ADRM1: variants seen among roughly 807,000 people sequenced by gnomAD.
ADRM1 encodes ADRM1 26S proteasome ubiquitin receptor, also known as proteasomal ubiquitin receptor ADRM1.
A neutral mutation model predicts 40.1 loss-of-function variants in ADRM1; 2 were observed. That is an observed-to-expected ratio of 0.05 (90% CI 0.02 to 0.16). The LOEUF (loss-of-function observed/expected upper bound fraction) is 0.16, where lower values mean the gene tolerates loss of function less well. ADRM1 is among the 10% of genes least tolerant of loss of function. The pLI is 1.00. For missense variants in ADRM1, 467 were observed against 552.5 expected, an observed-to-expected ratio of 0.85 and a Z score of 1.55; for synonymous variants, 287 against 240.4, an observed-to-expected ratio of 1.19 and a Z score of -1.79.
At position 62,307,894 on chromosome 20, in the gene ADRM1, C is replaced by T. The variant is rs1299231461; in HGVS notation, c.856+66C>T. On this transcript the variant is annotated intron_variant, in intron 7 of 9. Coordinates refer to ENST00000253003, the MANE Select transcript of ADRM1 (RefSeq NM_007002.4). ...GGCCTGCTGACCCTCGCACGCTCAC[C>T]TTCCAAGGCATCTGCCTAGTGTGCG... The T allele has an allele frequency of 4.5e-6, 7 of 1,553,812 alleles. No individual in the cohort carries two copies. The East Asian group carries it at 1.7e-4, about 37-fold the overall frequency.
intron 8 of ADRM1, 38 bp from the exon 9 acceptor site, chr20:62,308,330 C>CGGGTTGGA (rs1403617796): frequency 1.3e-6 from 2 of 1,564,532 alleles, no homozygotes; most frequent in African/African-American, 2.7e-5. Context: ...GGGTGCAGCC[C>CGGGTTGGA]GGGTTGGAGC....
chr20:62,303,971 C>G (rs554918464), intron 2 of ADRM1, among the ~76,000 whole-genome samples, 190 bp downstream of exon 2: 4 of 152,116 alleles, frequency 2.6e-5, no homozygotes, highest in Non-Finnish European at 5.9e-5. Context: ...GTATCTTGAA[C>G]TGTCCGTGTG....
At chr20:62,304,631 G>GTGC in intron 3 of ADRM1, 54 bp downstream of exon 3, 1 of 1,556,692 alleles carries the variant, frequency 6.4e-7, no homozygotes, top group South Asian at 1.1e-5. Context: ...ATTCGGTTAG[G>GTGC]AACTTGCTTA....
intron 2 of ADRM1, chr20:62,304,156 C>T (rs1430034294): frequency 8.4e-6 from 4 of 478,744 alleles, no homozygotes; most frequent in Admixed American, 7.0e-5. Context: ...TTCTTTGTTA[C>T]ATTTGAGAGC....
At position 62,308,016 on chromosome 20, in the gene ADRM1, C is replaced by T. The variant is rs956194678; in HGVS notation, c.857-5C>T. Reference sequence around the variant, plus strand: ...CGAGCTGATGGCCGTGTTCTTGTGCCCCAGTGGACCTGGCCAGTGTGCTGA... The same window carrying T: ...CGAGCTGATGGCCGTGTTCTTGTGCTCCAGTGGACCTGGCCAGTGTGCTGA... On this transcript the variant is annotated splice_polypyrimidine_tract_variant and splice_region_variant and intron_variant, in intron 7 of 9. Coordinates refer to ENST00000253003, the MANE Select transcript of ADRM1 (RefSeq NM_007002.4). 12 of 1,605,920 alleles carry T rather than the reference C, an allele frequency of 7.5e-6. No individual in the cohort carries two copies. The highest frequency in any genetic ancestry group is 6.7e-5 in the African/African-American group (5 of 74,846).
intron 6 of ADRM1, 26 bp downstream of exon 6, chr20:62,307,478 A>G: frequency 6.2e-7 from 1 of 1,605,866 alleles, no homozygotes; most frequent in Non-Finnish European, 8.5e-7. Context: ...CCTGCCACGC[A>G]GGTGCCACGG....
rs201545655 is a variant in ADRM1 at position 62,308,482 on chromosome 20, C to T, written c.1117+12C>T. 2.2e-4 allele frequency: 351 copies of T among 1,589,388 alleles called. 2 individuals carry two copies. In the East Asian group the frequency reaches 5.2e-3, roughly 24 times the overall value. Reference sequence around the variant, plus strand: ...CGCCAACAAGGGCGGTAAGTGGCTGCGCCTGCACCTCCAGGCCAGAGCCAG... The same window carrying T: ...CGCCAACAAGGGCGGTAAGTGGCTGTGCCTGCACCTCCAGGCCAGAGCCAG... On this transcript the variant is annotated intron_variant, in intron 9 of 9. Transcript: ENST00000253003.
In ADRM1 at chr20:62,308,713, C is replaced by A. The variant is rs140380365; in HGVS notation, c.1176C>A (p.Gly392=). 13 of 1,612,874 alleles carry A rather than the reference C, an allele frequency of 8.1e-6. No individual in the cohort carries two copies. The highest frequency in any genetic ancestry group is 1.0e-5 in the Non-Finnish European group (12 of 1,179,974). The change falls in exon 10 of 10, where the codon GGC becomes GGA. Residue 392 remains glycine, a synonymous_variant. Transcript: ENST00000253003. ...ACGCCAAGCCCGAGCAGAAAGAGGGCGACACGAAGGACAAGAAGGACGAAG... is the reference window on the plus strand; with the variant it reads ...ACGCCAAGCCCGAGCAGAAAGAGGGAGACACGAAGGACAAGAAGGACGAAG... The part of the protein sequence containing the change: ...QNNAKPEQKE[G]DTKDKKDEEE...
chr20:62,307,275 T>C (rs1040664222), intron 5 of ADRM1, 96 bp from the exon 6 acceptor site: 1 of 1,197,514 alleles, frequency 8.4e-7, no homozygotes, highest in Non-Finnish European at 1.2e-6. Flanking sequence ...CTGGCTTTGG[T>C]GTTGGGAATT....
chr20:62,308,137 G>A lies in ADRM1; in HGVS notation c.973G>A (p.Asp325Asn). The change falls in exon 8 of 10, where the codon GAT (aspartate) becomes AAT (asparagine). Residue 325 changes from aspartate (D) to asparagine (N), a missense_variant. Asp to Asn is a conservative substitution (Grantham distance 23, BLOSUM62 1). Coordinates refer to ENST00000253003, the MANE Select transcript of ADRM1 (RefSeq NM_007002.4). ...PSGESLPQTADEIQNTLTSPQ... is the reference protein window; with the variant it reads ...PSGESLPQTANEIQNTLTSPQ... ...TGGGGAGTCGCTGCCGCAGACCGCG[G>A]ATGAGATCCAGAATACCCTGACCTC... The A allele has an allele frequency of 6.2e-7, 1 of 1,609,022 alleles. No individual in the cohort carries two copies. The highest frequency in any genetic ancestry group is 1.1e-5 in the South Asian group (1 of 91,008).
chr20:62,306,715 A>C lies in ADRM1; in HGVS notation c.522A>C (p.Pro174=). ...GCCAGCTCATGCAGCTCATCGGACC[A>C]GCCGGCCTTGGAGGACTGGGTAACG... The part of the protein sequence containing the change: ...SHSQLMQLIG[P]AGLGGLGGLG... Residue 174 remains proline (P), a synonymous_variant, in exon 5 of 10, where the codon CCA becomes CCC. Coordinates refer to ENST00000253003, the MANE Select transcript of ADRM1 (RefSeq NM_007002.4). The C allele has an allele frequency of 6.2e-7, 1 of 1,609,180 alleles. No individual in the cohort carries two copies. The highest frequency in any genetic ancestry group is 8.5e-7 in the Non-Finnish European group (1 of 1,178,022).
chr20:62,304,436 A>T, intron 2 of ADRM1, 25 bp from the exon 3 acceptor site: 1 of 1,594,500 alleles, frequency 6.3e-7, no homozygotes, highest in Non-Finnish European at 8.6e-7. Flanking sequence ...TGCGCCACTG[A>T]CTCTCTCTTC....
intron 8 of ADRM1, 56 bp downstream of exon 8, chr20:62,308,234 G>A: frequency 6.4e-7 from 1 of 1,558,702 alleles, no homozygotes; most frequent in East Asian, 2.3e-5. Context: ...GGGCAGGGGG[G>A]AGGAGGAGGC....
chr20:62,307,181 C>T (rs1985133702), intron 5 of ADRM1, among the ~76,000 whole-genome samples, 190 bp from the exon 6 acceptor site: 2 of 152,218 alleles, frequency 1.3e-5, no homozygotes, highest in Non-Finnish European at 2.9e-5. Context: ...CAGAAATGAC[C>T]TTGCTTCCAG....
intron 6 of ADRM1, 47 bp downstream of exon 6, chr20:62,307,499 G>A (rs1278593719): frequency 6.2e-7 from 1 of 1,601,254 alleles, no homozygotes; most frequent in Non-Finnish European, 8.5e-7. Context: ...TGTTAAGGGA[G>A]GGGCAGTGGG....
rs966837366 is a variant in ADRM1, at chr20:62,308,526, T to A, written c.1117+56T>A. 6 of 1,558,916 alleles carry A rather than the reference T, an allele frequency of 3.8e-6. No individual in the cohort carries two copies. In the Middle Eastern group the frequency reaches 6.7e-4, roughly 174 times the overall value. ...GAGCCAGGGGCAGGGTCCATTCCTG[T>A]CCCCCTGGATCTGCAGAAGTGGGGC... On this transcript the variant is annotated intron_variant, in intron 9 of 9. Transcript: ENST00000253003.
rs570888853 is a variant in ADRM1 at position 62,306,549 on chromosome 20, G to A, written c.455-99G>A. On this transcript the variant is annotated intron_variant, in intron 4 of 9. Coordinates refer to ENST00000253003, the MANE Select transcript of ADRM1 (RefSeq NM_007002.4). The stretch of plus-strand genomic sequence containing the variant: ...AAGTGGTGCCCCCTGTAGGGTTCAG[G>A]GGCAGCCGAGTGCGGTGCTCAGCAG... 1.0e-3 allele frequency: 1,401 copies of A among 1,359,926 alleles called. 13 individuals carry two copies. The highest frequency in any genetic ancestry group is 3.2e-4 in the Non-Finnish European group (315 of 982,634). 84.2% of individuals were successfully genotyped at this position (1,359,926 alleles called of 1,614,324 possible). A position where few individuals can be genotyped will look rare whatever the true frequency, so the allele number is the denominator to read the frequency against.
chr20:62,307,987 T>C, intron 7 of ADRM1, 34 bp from the exon 8 acceptor site: 1 of 1,595,646 alleles, frequency 6.3e-7, no homozygotes. Context: ...ACTTAGGCTG[T>C]CATCGAGCTG....
In ADRM1 at chr20:62,303,665, C is replaced by G. The variant is rs754671282; in HGVS notation, c.97C>G (p.Leu33Val). 1 of 1,612,232 alleles carries G rather than the reference C, an allele frequency of 6.2e-7. No homozygotes were observed. The highest frequency in any genetic ancestry group is 1.3e-5 in the African/African-American group (1 of 74,924). ...GGAGTTTCGGGCGGGAAAGATGTCC[C>G]TGAAGGGGACCACCGTGACTCCGGA... Reference protein sequence around the residue: ...LVEFRAGKMSLKGTTVTPDKR... With the variant: ...LVEFRAGKMSVKGTTVTPDKR... Residue 33 changes from leucine (L) to valine (V), a missense_variant, in exon 2 of 10, where the codon CTG becomes GTG. Coordinates refer to ENST00000253003, the MANE Select transcript of ADRM1 (RefSeq NM_007002.4).
Sources: allele counts gnomAD v4.1 joint callset (sites outside exome capture counted in the v4.1 genomes callset), GRCh38; gene constraint gnomAD v4.1.1; transcripts MANE v1.5; gene names NCBI Gene and HGNC (gene_info 2026-07-23, HGNC 2026-07-21).